DENND1A: variants seen among roughly 807,000 people sequenced by gnomAD.
DENND1A encodes the protein DENN domain containing 1A.
In DENND1A, 51 loss-of-function variants were observed where a neutral mutation model predicts 113.7. The observed-to-expected ratio is 0.45, with a 90% CI of 0.36 to 0.57. The LOEUF is 0.57. Ranked by LOEUF, DENND1A falls within the 20% of genes least tolerant of loss-of-function variation. DENND1A has a pLI of 0.00. For synonymous variants in DENND1A, 565 were observed against 570.8 expected (o/e 0.99, Z 0.14); for missense variants, 1,258 against 1,395.9 (o/e 0.90, Z 1.57).
intron 21 of DENND1A, among the ~76,000 whole-genome samples, chr9:123,391,825 C>G (rs978348489): frequency 6.7e-5 from 10 of 149,920 alleles, no homozygotes; most frequent in Admixed American, 1.3e-4. Flanking sequence ...CCCCTGCGGT[C>G]TGCCACCCAC....
chr9:123,832,782 A>G (rs1360349159), intron 2 of DENND1A, among the ~76,000 whole-genome samples: 1 of 152,224 alleles, frequency 6.6e-6, no homozygotes, highest in African/African-American at 2.4e-5. Context: ...GACTCCATCT[A>G]TATAACTCCA....
intron 5 of DENND1A, among the ~76,000 whole-genome samples, chr9:123,734,390 T>C (rs1404621275): frequency 1.3e-5 from 2 of 152,174 alleles, no homozygotes. Context: ...AATTGTTTAA[T>C]TATATGTCTG....
intron 6 of DENND1A, among the ~76,000 whole-genome samples, chr9:123,673,341 C>G (rs2063857006): frequency 6.6e-6 from 1 of 152,226 alleles, no homozygotes; most frequent in South Asian, 2.1e-4. Context: ...TAATCCTTTA[C>G]TATCCTAATT....
chr9:123,622,153 T>C (rs2060995709), intron 10 of DENND1A, among the ~76,000 whole-genome samples: 1 of 152,220 alleles, frequency 6.6e-6, no homozygotes, highest in African/African-American at 2.4e-5. Flanking sequence ...AGTTCAACAA[T>C]GCCCTCAAAA....
chr9:123,599,063 C>T (rs2059828502), intron 11 of DENND1A, among the ~76,000 whole-genome samples: 1 of 152,228 alleles, frequency 6.6e-6, no homozygotes, highest in South Asian at 2.1e-4. Flanking sequence ...GTTCATCATA[C>T]TTCAGAAAAG....
rs368676538 is a variant in DENND1A, at chr9:123,634,384, T to C, written c.619-3908A>G. ...CTCTTTTCCAAAATACTAAATGACA[T>C]AAACTATGTGCATCATTACTTAAGG... On this transcript the variant is annotated intron_variant, in intron 9 of 23. Transcript: ENST00000394215. Among the ~76,000 whole-genome samples the C allele has an allele frequency of 1.1e-4, 16 of 152,320 alleles. 1 individual carries two copies. Among genetic ancestry groups the C allele is most frequent in the Admixed American group, 7.2e-4 (11 of 15,304 alleles).
At chr9:123,588,632 A>AC (rs1291927512) in intron 11 of DENND1A, among the ~76,000 whole-genome samples, 4,099 of 116,352 alleles carry the variant, frequency 0.035, 131 homozygotes, top group South Asian at 0.055. Context: ...AAAAAAAAAA[A>AC]AGGGGGGGGG....
At chr9:123,785,457 C>T (rs937843480) in intron 3 of DENND1A, among the ~76,000 whole-genome samples, 7 of 151,782 alleles carry the variant, frequency 4.6e-5, no homozygotes, top group East Asian at 1.9e-4. Context: ...AGTAACAACA[C>T]GGGGAAAAAT....
chr9:123,899,213 C>T (rs1851224704), intron 1 of DENND1A, among the ~76,000 whole-genome samples: 1 of 152,186 alleles, frequency 6.6e-6, no homozygotes, highest in South Asian at 2.1e-4. Flanking sequence ...CTTCTGTCTA[C>T]TGCATCTCTC....
At chr9:123,630,332 G>T in intron 10 of DENND1A, 44 bp downstream of exon 10, 1 of 1,357,508 alleles carries the variant, frequency 7.4e-7, no homozygotes, top group Non-Finnish European at 9.9e-7. Flanking sequence ...CGCCCAGTCA[G>T]ATCAGGGCAA....
chr9:123,458,152 C>A (rs1324390266), intron 13 of DENND1A, among the ~76,000 whole-genome samples: 1 of 151,982 alleles, frequency 6.6e-6, no homozygotes, highest in Non-Finnish European at 1.5e-5. Flanking sequence ...AGCTGCCCCC[C>A]ACCACAAGTG....
chr9:123,415,223 C>T (rs147010769), intron 19 of DENND1A, among the ~76,000 whole-genome samples: 28 of 152,248 alleles, frequency 1.8e-4, no homozygotes, highest in African/African-American at 4.3e-4. Context: ...CCACATTGCC[C>T]CTTCTGACAC....
intron 9 of DENND1A, among the ~76,000 whole-genome samples, chr9:123,635,611 T>C (rs1054840736): frequency 6.6e-6 from 1 of 152,180 alleles, no homozygotes; most frequent in African/African-American, 2.4e-5. Context: ...TCGGACAAAA[T>C]ACCAATGACA....
At chr9:123,792,465 T>G (rs1393989263) in intron 3 of DENND1A, 122 bp downstream of exon 3, 14 of 1,001,562 alleles carry the variant, frequency 1.4e-5, no homozygotes, top group Admixed American at 2.6e-5. Context: ...TGGTTCCTAA[T>G]TACTGCTTTT....
chr9:123,594,183 G>T (rs534043447), intron 11 of DENND1A, among the ~76,000 whole-genome samples: 1 of 151,202 alleles, frequency 6.6e-6, no homozygotes, highest in Non-Finnish European at 1.5e-5. Flanking sequence ...CTATGGCTAC[G>T]TATCAGTCCA....
At chr9:123,559,400 A>G (rs1043965213) in intron 12 of DENND1A, among the ~76,000 whole-genome samples, 2 of 152,244 alleles carry the variant, frequency 1.3e-5, no homozygotes, top group African/African-American at 4.8e-5. Context: ...GACAAAACTT[A>G]GGATAAAATA....
intron 19 of DENND1A, among the ~76,000 whole-genome samples, chr9:123,438,832 T>G (rs1249569478): frequency 6.6e-6 from 1 of 152,220 alleles, no homozygotes; most frequent in African/African-American, 2.4e-5. Context: ...GAATCTCTAC[T>G]TCTGGCTGAA....
At chr9:123,534,625 A>G (rs1433468969) in intron 13 of DENND1A, among the ~76,000 whole-genome samples, 1 of 84,644 alleles carries the variant, frequency 1.2e-5, no homozygotes, top group Non-Finnish European at 2.4e-5. Flanking sequence ...TGCTCCACAC[A>G]CCTACCTCAG....
intron 5 of DENND1A, among the ~76,000 whole-genome samples, chr9:123,720,665 T>G (rs1324072194): frequency 6.6e-6 from 1 of 152,230 alleles, no homozygotes; most frequent in East Asian, 1.9e-4. Context: ...AGAGTTAACT[T>G]TATCATTGCC....
Sources: gnomAD v4.1 joint callset for allele counts (sites outside exome capture counted in the v4.1 genomes callset) on GRCh38, gnomAD v4.1.1 for gene constraint, MANE v1.5 for transcripts, NCBI Gene and HGNC (gene_info 2026-07-23, HGNC 2026-07-21) for gene names.